DOK5: variants seen among roughly 807,000 people sequenced by gnomAD.
The protein encoded by DOK5 is downstream of tyrosine kinase 5.
In DOK5, 27 loss-of-function variants were observed where a neutral mutation model predicts 43.3. The ratio of observed to expected loss-of-function variants is 0.62; its 90% confidence interval spans 0.46 to 0.86. The LOEUF (loss-of-function observed/expected upper bound fraction) is 0.86. Ranked by LOEUF, DOK5 falls within the 40% of genes least tolerant of loss-of-function variation. DOK5 has a pLI of 0.00. For missense variants in DOK5, 373 were observed against 392.9 expected (o/e 0.95, Z 0.43); for synonymous variants, 146 against 140.1 (o/e 1.04, Z -0.30).
At chr20:54,649,753 G>A (rs1327771230) in intron 7 of DOK5, among the ~76,000 whole-genome samples, 1 of 152,226 alleles carries the variant, frequency 6.6e-6, no homozygotes, top group South Asian at 2.1e-4. Context: ...AGCATTATTA[G>A]GACGACATTC....
At chr20:54,543,106 T>A (rs1600691193) in intron 1 of DOK5, among the ~76,000 whole-genome samples, 2 of 152,280 alleles carry the variant, frequency 1.3e-5, no homozygotes, top group South Asian at 4.1e-4. Flanking sequence ...ACTGATGAAT[T>A]GTGTTAAAAG....
At position 54,588,712 on chromosome 20, in the gene DOK5, A is replaced by C; in HGVS notation, c.315A>C (p.Lys105Asn). 6.2e-7 allele frequency: 1 copy of C among 1,614,126 alleles called. No individual in the cohort carries two copies. The change falls in exon 4 of 8, where the codon AAA becomes AAC. Residue 105 changes from lysine (K) to asparagine (N), a missense_variant. Coordinates refer to ENST00000262593, the MANE Select transcript of DOK5 (RefSeq NM_018431.5). ...ATCTTGAGGCTGATGAGTGGTGCAA[A>C]GTACTCCAGATGGAGTGTGTAGGAA... ...ESDLEADEWC[K>N]VLQMECVGTR...
At chr20:54,648,275 C>T (rs986015295) in intron 7 of DOK5, among the ~76,000 whole-genome samples, 1 of 152,092 alleles carries the variant, frequency 6.6e-6, no homozygotes, top group East Asian at 1.9e-4. Context: ...ATACCTGGGA[C>T]TCCTAGGCAG....
At chr20:54,605,880 C>T (rs1472320247) in intron 5 of DOK5, among the ~76,000 whole-genome samples, 3 of 152,226 alleles carry the variant, frequency 2.0e-5, no homozygotes, top group Non-Finnish European at 4.4e-5. Context: ...GTGTACTCTA[C>T]ATATCCTATT....
At chr20:54,524,289 TCA>T (rs1180392738) in intron 1 of DOK5, among the ~76,000 whole-genome samples, 1 of 152,186 alleles carries the variant, frequency 6.6e-6, no homozygotes, top group Non-Finnish European at 1.5e-5. Context: ...GGGATGTTTC[TCA>T]CTTTGCCCCT....
intron 7 of DOK5, among the ~76,000 whole-genome samples, chr20:54,643,808 A>G (rs552977327): frequency 4.0e-4 from 61 of 152,346 alleles, no homozygotes; most frequent in African/African-American, 1.4e-3. Flanking sequence ...GAAGTCACTT[A>G]AAATGAAGAT....
At chr20:54,477,308 C>T (rs888483639) in intron 1 of DOK5, among the ~76,000 whole-genome samples, 2 of 152,168 alleles carry the variant, frequency 1.3e-5, no homozygotes, top group Non-Finnish European at 2.9e-5. Flanking sequence ...GGAACATCCG[C>T]AATTATTATA....
chr20:54,532,094 T>C (rs905813105), intron 1 of DOK5, among the ~76,000 whole-genome samples: 2 of 152,194 alleles, frequency 1.3e-5, no homozygotes, highest in African/African-American at 4.8e-5. Flanking sequence ...CCTCCACCTC[T>C]GGAAGTTGGA....
intron 5 of DOK5, among the ~76,000 whole-genome samples, chr20:54,606,525 G>A (rs570012848): frequency 6.6e-6 from 1 of 152,348 alleles, no homozygotes; most frequent in South Asian, 2.1e-4. Context: ...AGACATGGCT[G>A]TAGGAGGTTA....
intron 1 of DOK5, among the ~76,000 whole-genome samples, chr20:54,489,679 GT>G (rs1478308160): frequency 6.6e-6 from 1 of 152,026 alleles, no homozygotes; most frequent in Non-Finnish European, 1.5e-5. Context: ...AAGAGGTTCA[GT>G]TTTTGGCCAG....
chr20:54,510,892 A>G (rs2146687100), intron 1 of DOK5, among the ~76,000 whole-genome samples: 1 of 152,168 alleles, frequency 6.6e-6, no homozygotes, highest in East Asian at 1.9e-4. Context: ...AGGGCTCCGC[A>G]GGGCTGGTTT....
chr20:54,643,638 G>A (rs910920349), intron 7 of DOK5, 60 bp downstream of exon 7: 1 of 1,559,132 alleles, frequency 6.4e-7, no homozygotes, highest in African/African-American at 1.4e-5. Flanking sequence ...CTGGGGAGGG[G>A]GCTCAGCTCA....
At chr20:54,519,743 G>C (rs952539778) in intron 1 of DOK5, among the ~76,000 whole-genome samples, 1 of 152,112 alleles carries the variant, frequency 6.6e-6, no homozygotes, top group Admixed American at 6.5e-5. Context: ...ATTCAAAAGA[G>C]AATGATGCAT....
At chr20:54,645,538 T>C (rs1979370907) in intron 7 of DOK5, among the ~76,000 whole-genome samples, 1 of 152,090 alleles carries the variant, frequency 6.6e-6, no homozygotes, top group South Asian at 2.1e-4. Flanking sequence ...CCGTCCCTCA[T>C]CCTAGTTAAC....
intron 6 of DOK5, among the ~76,000 whole-genome samples, chr20:54,619,126 G>T (rs1273455414): frequency 7.5e-6 from 1 of 133,452 alleles, no homozygotes; most frequent in African/African-American, 2.7e-5. Flanking sequence ...TTTGGCTTTA[G>T]ATAGCAGTCT....
intron 6 of DOK5, among the ~76,000 whole-genome samples, chr20:54,612,454 A>T (rs190691979): frequency 2.4e-3 from 362 of 152,316 alleles, no homozygotes; most frequent in Non-Finnish European, 3.9e-3. Context: ...CTTTCTTGTG[A>T]GTATGTCTCT....
In DOK5 at chr20:54,600,377, T is replaced by C. The variant is rs150636894; in HGVS notation, c.599+8572T>C. ...GATGGCTCTCACTTCTGACACCAAC[T>C]GCAAGTTCATGGGTTTCTAAAACTA... is the stretch of plus-strand genomic sequence containing the variant. On this transcript the variant is annotated intron_variant, in intron 5 of 7. Transcript: ENST00000262593. Among the ~76,000 whole-genome samples, 69 of 152,260 alleles carry C rather than the reference T, an allele frequency of 4.5e-4. 2 individuals are homozygous for C. In the East Asian group the frequency reaches 0.013, roughly 29 times the overall value.
intron 1 of DOK5, among the ~76,000 whole-genome samples, chr20:54,546,447 G>A (rs1402283490): frequency 1.3e-5 from 2 of 151,886 alleles, no homozygotes; most frequent in African/African-American, 2.4e-5. Flanking sequence ...TGTGCACAAC[G>A]TGCAGATTTG....
intron 6 of DOK5, among the ~76,000 whole-genome samples, chr20:54,623,280 G>A (rs1987042314): frequency 6.6e-6 from 1 of 152,100 alleles, no homozygotes; most frequent in Non-Finnish European, 1.5e-5. Flanking sequence ...GACAAAGAAT[G>A]AGCTTGCCCC....
Sources: allele counts gnomAD v4.1 joint callset (sites outside exome capture counted in the v4.1 genomes callset), GRCh38; gene constraint gnomAD v4.1.1; transcripts MANE v1.5; gene names NCBI Gene and HGNC (gene_info 2026-07-23, HGNC 2026-07-21).